Variants in CACNA1A observed in about 807,000 individuals in gnomAD.
The protein encoded by CACNA1A is calcium voltage-gated channel subunit alpha1 A.
CACNA1A carries 57 observed loss-of-function variants against 262.4 expected under a neutral mutation model. That is an observed-to-expected ratio of 0.22 (90% CI 0.18 to 0.27). CACNA1A has a LOEUF of 0.27. CACNA1A is among the 10% of genes least tolerant of loss of function. The pLI is 1.00. For synonymous variants in CACNA1A, 1,431 were observed against 1,419.3 expected (o/e 1.01, Z -0.18); for missense variants, 2,526 against 3,562.8 (o/e 0.71, Z 7.41).
intron 1 of CACNA1A, among the ~76,000 whole-genome samples, chr19:13,466,075 T>C (rs2061230531): frequency 6.6e-6 from 1 of 152,178 alleles, no homozygotes; most frequent in Non-Finnish European, 1.5e-5. Context: ...GAAAATGTTC[T>C]GGAGCTAGAC....
intron 1 of CACNA1A, among the ~76,000 whole-genome samples, chr19:13,503,921 C>T (rs1179668603): frequency 1.3e-5 from 2 of 152,036 alleles, no homozygotes; most frequent in African/African-American, 2.4e-5. Context: ...TTCCCCCTTC[C>T]GAGGGGCCAC....
At chr19:13,439,070 T>C (rs948049762) in intron 3 of CACNA1A, among the ~76,000 whole-genome samples, 4 of 151,942 alleles carry the variant, frequency 2.6e-5, no homozygotes, top group African/African-American at 9.7e-5. Context: ...CCTGTTCCCC[T>C]GTTTCCTGGT....
chr19:13,285,029 C>A, intron 21 of CACNA1A, 39 bp downstream of exon 21: 1 of 1,612,224 alleles, frequency 6.2e-7, no homozygotes, highest in South Asian at 1.1e-5. Flanking sequence ...CTGGTGGGAG[C>A]CCCAGGCCCC....
intron 27 of CACNA1A, chr19:13,259,037 G>A (rs1169365679): frequency 2.6e-5 from 4 of 151,582 alleles, no homozygotes; most frequent in South Asian, 2.1e-4. Flanking sequence ...GGGCTCAAGC[G>A]ATCCTCCCAC....
chr19:13,345,411 A>G (rs968787318), intron 6 of CACNA1A, among the ~76,000 whole-genome samples: 3 of 152,144 alleles, frequency 2.0e-5, no homozygotes, highest in African/African-American at 7.2e-5. Context: ...CAATGGGCCC[A>G]AGAGAGCTTC....
chr19:13,318,416 C>T (rs1051870954), intron 10 of CACNA1A, among the ~76,000 whole-genome samples: 7 of 152,016 alleles, frequency 4.6e-5, no homozygotes, highest in Non-Finnish European at 7.4e-5. Context: ...TCATGCATGG[C>T]CTGGTGGACC....
rs1318171119 is a variant in CACNA1A at position 13,317,248 on chromosome 19, C to T, written c.1419G>A (p.Arg473=). Reference sequence around the variant, plus strand: ...TGCGGCGGATGTAGAAACGCATCCTCCTCTCCTTTTTGTGAAAAAAGGTCG... The same window carrying T: ...TGCGGCGGATGTAGAAACGCATCCTTCTCTCCTTTTTGTGAAAAAAGGTCG... ...ENSTFFHKKE[R]RMRFYIRRMV... The change falls in exon 11 of 47, where the codon AGG becomes AGA. Residue 473 remains arginine, a synonymous_variant. Coordinates refer to ENST00000360228, the MANE Select transcript of CACNA1A (RefSeq NM_001127222.2). 1 of 1,613,390 alleles carries T rather than the reference C, an allele frequency of 6.2e-7. No homozygotes were observed. Among genetic ancestry groups the T allele is most frequent in the East Asian group, 2.2e-5 (1 of 44,876 alleles).
chr19:13,323,785 T>A lies in CACNA1A; in HGVS notation c.1345+6459A>T, dbSNP rs114481246. The stretch of plus-strand genomic sequence containing the variant: ...ATTTTTTAGTTTGATACGATCCCAT[T>A]TGTCCATTTTGGCTTCTGTTGCCTG... On this transcript the variant is annotated intron_variant, in intron 10 of 46. Coordinates refer to ENST00000360228, the MANE Select transcript of CACNA1A (RefSeq NM_001127222.2). 8.8e-3 allele frequency among the ~76,000 whole-genome samples: 1,333 copies of A among 152,318 alleles called. 22 individuals are homozygous for A. The highest frequency in any genetic ancestry group is 0.03 in the African/African-American group (1,265 of 41,558).
At chr19:13,382,630 G>C (rs1485685113) in intron 3 of CACNA1A, among the ~76,000 whole-genome samples, 1 of 152,188 alleles carries the variant, frequency 6.6e-6, no homozygotes, top group African/African-American at 2.4e-5. Flanking sequence ...GAGCAGGAAG[G>C]GATGTGATTA....
chr19:13,301,428 G>A (rs1490026217), intron 17 of CACNA1A, among the ~76,000 whole-genome samples: 1 of 152,306 alleles, frequency 6.6e-6, no homozygotes, highest in African/African-American at 2.4e-5. Context: ...GCCCCCAGAA[G>A]GAGAATGAGG....
intron 19 of CACNA1A, among the ~76,000 whole-genome samples, chr19:13,297,925 G>A (rs2057699009): frequency 6.6e-6 from 1 of 151,952 alleles, no homozygotes. Flanking sequence ...CCACCTCCCA[G>A]GTTCAACTGA....
intron 3 of CACNA1A, among the ~76,000 whole-genome samples, chr19:13,395,303 A>G (rs530292940): frequency 2.7e-5 from 4 of 147,530 alleles, no homozygotes; most frequent in Admixed American, 6.8e-5. Context: ...AAAGAAAAAG[A>G]AAAAGAAAAA....
chr19:13,504,876 G>A (rs1982828844), intron 1 of CACNA1A, among the ~76,000 whole-genome samples: 1 of 152,002 alleles, frequency 6.6e-6, no homozygotes, highest in Admixed American at 6.6e-5. Flanking sequence ...AAGCAGGCAG[G>A]GATTTAAAGA....
chr19:13,240,744 A>AGTGACTGCAGTGACT lies in CACNA1A; in HGVS notation c.4950+4437_4950+4438insAGTCACTGCAGTCAC, dbSNP rs1453458346. 2.6e-4 allele frequency among the ~76,000 whole-genome samples: 16 copies of AGTGACTGCAGTGACT among 60,502 alleles called. No individual in the cohort carries two copies. The Admixed American group carries it at 3.2e-3, about 12-fold the overall frequency. 39.7% of individuals were successfully genotyped at this position (60,502 alleles called of 152,430 possible). ...TGCAGTGACTGCAGTGACTGCGTGC[A>AGTGACTGCAGTGACT]GCGTCTGTGTGCAGTGACTGTGTGC... On this transcript the variant is annotated intron_variant, in intron 31 of 46. Coordinates refer to ENST00000360228, the MANE Select transcript of CACNA1A (RefSeq NM_001127222.2).
chr19:13,371,609 G>A (rs540671810), intron 4 of CACNA1A, 79 bp downstream of exon 4: 1 of 1,038,250 alleles, frequency 9.6e-7, no homozygotes, highest in Non-Finnish European at 1.5e-6. Context: ...GTGGCCTCCT[G>A]AGATGCTCTG....
At chr19:13,498,079 C>T (rs1204008021) in intron 1 of CACNA1A, among the ~76,000 whole-genome samples, 1 of 152,028 alleles carries the variant, frequency 6.6e-6, no homozygotes, top group Admixed American at 6.5e-5. Context: ...ACACATTTCA[C>T]TGCAGTGATG....
rs74817605 is a variant in CACNA1A at position 13,217,179 on chromosome 19, C to T, written c.5732-2571G>A. Among the ~76,000 whole-genome samples, 83 of 152,006 alleles carry T rather than the reference C, an allele frequency of 5.5e-4. 1 individual carries two copies. The East Asian group carries it at 7.9e-3, about 15-fold the overall frequency. ...CAAAACCAAAACCAAAATAGAGATT[C>T]TTCTGGGCAGAGAGAACAGAGGGGT... is the stretch of plus-strand genomic sequence containing the variant. On this transcript the variant is annotated intron_variant, in intron 38 of 46. Coordinates refer to ENST00000360228, the MANE Select transcript of CACNA1A (RefSeq NM_001127222.2).
rs1276219269 is a variant in CACNA1A at position 13,234,992 on chromosome 19, A to G, written c.5178T>C (p.Asp1726=). Residue 1726 remains aspartate, a synonymous_variant, in exon 34 of 47, where the codon GAT becomes GAC. Transcript: ENST00000360228. ...GCTCAGTGATTTGGAACTCATCTTC[A>G]TCACTGTCCTCGTCCTCCACGTCGA... The part of the protein sequence containing the change: ...IGIDVEDEDS[D]EDEFQITEHN... 1.2e-6 allele frequency: 2 copies of G among 1,613,986 alleles called. No individual in the cohort carries two copies. Among genetic ancestry groups the G allele is most frequent in the Non-Finnish European group, 8.5e-7 (1 of 1,179,834 alleles).
chr19:13,460,595 T>C (rs1033612104), intron 1 of CACNA1A, among the ~76,000 whole-genome samples: 1 of 152,096 alleles, frequency 6.6e-6, no homozygotes, highest in Non-Finnish European at 1.5e-5. Context: ...ACAAAGTCCT[T>C]CCAGCACCAG....
Sources: gnomAD v4.1 joint callset for allele counts (sites outside exome capture counted in the v4.1 genomes callset) on GRCh38, gnomAD v4.1.1 for gene constraint, MANE v1.5 for transcripts, NCBI Gene and HGNC (gene_info 2026-07-23, HGNC 2026-07-21) for gene names.